Variants in MAN1A2 observed in about 807,000 individuals in gnomAD.
MAN1A2 encodes mannosyl-oligosaccharide 1,2-alpha-mannosidase IB.
Under a neutral mutation model 75.7 loss-of-function variants are expected in MAN1A2, and 26 were observed. That is an observed-to-expected ratio of 0.34 (90% CI 0.25 to 0.48). The LOEUF is 0.48. Among genes scored for constraint, MAN1A2 ranks in the 20% least tolerant of loss-of-function variants. MAN1A2 has a pLI of 0.99. For missense variants in MAN1A2, 562 were observed against 775.5 expected (o/e 0.72, Z 3.27); for synonymous variants, 247 against 264.6 (o/e 0.93, Z 0.65).
At chr1:117,449,850 C>G (rs1649349749) in intron 6 of MAN1A2, among the ~76,000 whole-genome samples, 1 of 152,206 alleles carries the variant, frequency 6.6e-6, no homozygotes. Flanking sequence ...GGCCCTAACT[C>G]TCTTCACGTC....
At chr1:117,413,512 G>T (rs537357161) in intron 3 of MAN1A2, among the ~76,000 whole-genome samples, 63 of 152,074 alleles carry the variant, frequency 4.1e-4, no homozygotes, top group African/African-American at 1.4e-3. Flanking sequence ...ATAAGACAAA[G>T]CTGTTAATTA....
At chr1:117,495,875 A>G (rs1016430844) in intron 9 of MAN1A2, among the ~76,000 whole-genome samples, 1 of 151,958 alleles carries the variant, frequency 6.6e-6, no homozygotes, top group African/African-American at 2.4e-5. Flanking sequence ...CATTTTGGTT[A>G]TCAGCCACCT....
At chr1:117,448,027 T>C (rs1649294262) in intron 6 of MAN1A2, among the ~76,000 whole-genome samples, 1 of 152,154 alleles carries the variant, frequency 6.6e-6, no homozygotes, top group South Asian at 2.1e-4. Flanking sequence ...GTCATTTTCG[T>C]GATATTGATT....
intron 6 of MAN1A2, among the ~76,000 whole-genome samples, chr1:117,458,525 T>A (rs12063923): frequency 0.27 from 11,556 of 42,792 alleles, 739 homozygotes; most frequent in Middle Eastern, 0.39. Flanking sequence ...ATATATATAT[T>A]TTTTTTTTTT....
At chr1:117,372,731 A>G (rs1425808023) in intron 1 of MAN1A2, among the ~76,000 whole-genome samples, 2 of 152,100 alleles carry the variant, frequency 1.3e-5, no homozygotes, top group Non-Finnish European at 2.9e-5. Flanking sequence ...TGTGTACATA[A>G]TAGATCTCAA....
In MAN1A2 at chr1:117,414,798, A is replaced by T; in HGVS notation, c.741A>T (p.Gln247His). 1 of 1,608,666 alleles carries T rather than the reference A, an allele frequency of 6.2e-7. No homozygotes were observed. The highest frequency in any genetic ancestry group is 8.5e-7 in the Non-Finnish European group (1 of 1,175,714). ...TTCATGATGAATTCCTAGATGGGCAAAGATGGATTGAAGACAACCTTGATT... is the reference window on the plus strand; with the variant it reads ...TTCATGATGAATTCCTAGATGGGCATAGATGGATTGAAGACAACCTTGATT... ...MGLHDEFLDG[Q>H]RWIEDNLDFS... Residue 247 changes from glutamine (Q) to histidine (H), a missense_variant, in exon 4 of 13, where the codon CAA becomes CAT. Around this residue, in one of 2 missense-constraint regions of MAN1A2, gnomAD observed 434 missense variants for 645.7 expected, o/e 0.67. Coordinates refer to ENST00000356554, the MANE Select transcript of MAN1A2 (RefSeq NM_006699.5).
intron 12 of MAN1A2, among the ~76,000 whole-genome samples, chr1:117,514,585 A>G (rs1651654161): frequency 6.6e-6 from 1 of 152,172 alleles, no homozygotes; most frequent in Non-Finnish European, 1.5e-5. Context: ...TCAGACTATT[A>G]AAGCAAATTC....
At chr1:117,429,837 G>T (rs1648543639) in intron 5 of MAN1A2, among the ~76,000 whole-genome samples, 1 of 87,974 alleles carries the variant, frequency 1.1e-5, no homozygotes. Flanking sequence ...CCCGGAGGGG[G>T]CGGCTGGCCG....
chr1:117,507,920 CTT>C (rs1024554913), intron 12 of MAN1A2, among the ~76,000 whole-genome samples: 8 of 151,700 alleles, frequency 5.3e-5, no homozygotes, highest in African/African-American at 1.9e-4. Flanking sequence ...TCAAAAGTCT[CTT>C]AAGCTGAAAG....
At chr1:117,372,826 A>C (rs1653010744) in intron 1 of MAN1A2, among the ~76,000 whole-genome samples, 1 of 152,086 alleles carries the variant, frequency 6.6e-6, no homozygotes, top group South Asian at 2.1e-4. Flanking sequence ...AAAAAAAAAA[A>C]ACCCAGCTTA....
intron 1 of MAN1A2, among the ~76,000 whole-genome samples, chr1:117,378,149 A>G (rs566924211): frequency 2.0e-5 from 3 of 152,280 alleles, no homozygotes; most frequent in East Asian, 3.9e-4. Context: ...ATAAGTGTAC[A>G]TGAAAAGTCT....
intron 6 of MAN1A2, among the ~76,000 whole-genome samples, chr1:117,446,527 G>A (rs537544446): frequency 5.7e-4 from 87 of 151,994 alleles, no homozygotes; most frequent in African/African-American, 2.0e-3. Flanking sequence ...ATTTCCTGTA[G>A]AATTTTTTCT....
At chr1:117,481,150 C>A (rs912447488) in intron 8 of MAN1A2, among the ~76,000 whole-genome samples, 1 of 151,872 alleles carries the variant, frequency 6.6e-6, no homozygotes, top group Non-Finnish European at 1.5e-5. Context: ...TCTCTCAACT[C>A]TTGAACTTTT....
chr1:117,469,074 G>A (rs1357207126), intron 8 of MAN1A2, among the ~76,000 whole-genome samples: 1 of 152,034 alleles, frequency 6.6e-6, no homozygotes, highest in Non-Finnish European at 1.5e-5. Context: ...TGATGACATG[G>A]AGGCAGGAGA....
intron 4 of MAN1A2, among the ~76,000 whole-genome samples, chr1:117,416,293 AT>A (rs549798395): frequency 2.0e-5 from 3 of 151,726 alleles, no homozygotes; most frequent in Non-Finnish European, 2.9e-5. Flanking sequence ...CTTAACTACA[AT>A]TTTTTTTATA....
At chr1:117,387,278 C>T (rs1462233075) in intron 1 of MAN1A2, among the ~76,000 whole-genome samples, 1 of 150,682 alleles carries the variant, frequency 6.6e-6, no homozygotes, top group Non-Finnish European at 1.5e-5. Context: ...AATTGGAAAC[C>T]TTGTGCATTG....
At chr1:117,434,837 A>C (rs1175447241) in intron 5 of MAN1A2, among the ~76,000 whole-genome samples, 2 of 150,586 alleles carry the variant, frequency 1.3e-5, no homozygotes, top group Non-Finnish European at 3.0e-5. Context: ...TTTGCCAAGA[A>C]ATAATGGCAC....
intron 6 of MAN1A2, among the ~76,000 whole-genome samples, chr1:117,444,582 C>T (rs1193284640): frequency 6.6e-6 from 1 of 151,880 alleles, no homozygotes; most frequent in African/African-American, 2.4e-5. Context: ...ATTTTTGACA[C>T]GATGGTTGCT....
intron 8 of MAN1A2, among the ~76,000 whole-genome samples, chr1:117,482,476 G>C (rs1650530332): frequency 1.3e-5 from 2 of 152,060 alleles, no homozygotes; most frequent in South Asian, 4.1e-4. Context: ...CAGTGACGAT[G>C]AGCATTTTTT....
Sources: allele counts gnomAD v4.1 joint callset (sites outside exome capture counted in the v4.1 genomes callset), GRCh38; gene constraint gnomAD v4.1.1; regional missense constraint gnomAD v4.1.1; transcripts MANE v1.5; gene names NCBI Gene and HGNC (gene_info 2026-07-23, HGNC 2026-07-21).